Variants in DNAH5 observed in about 807,000 individuals in gnomAD.
DNAH5 encodes dynein axonemal heavy chain 5.
In DNAH5, 372 loss-of-function variants were observed where a neutral mutation model predicts 518.2. That is an observed-to-expected ratio of 0.72 (90% CI 0.66 to 0.78). DNAH5 has a LOEUF of 0.78. DNAH5 is among the 30% of genes least tolerant of loss of function. DNAH5 has a pLI of 0.00. For synonymous variants in DNAH5, 2,039 were observed against 2,025.9 expected (o/e 1.01, Z -0.17); for missense variants, 5,523 against 5,687.0 (o/e 0.97, Z 0.93).
chr5:13,834,860 CT>C (rs1454731936), intron 35 of DNAH5, among the ~76,000 whole-genome samples: 2 of 152,240 alleles, frequency 1.3e-5, no homozygotes, highest in Non-Finnish European at 2.9e-5. Flanking sequence ...TTGGCTTTTA[CT>C]TTGCATGAGA....
chr5:14,000,161 C>T (rs75244990), intron 1 of DNAH5, among the ~76,000 whole-genome samples: 3,979 of 152,252 alleles, frequency 0.026, 129 homozygotes, highest in East Asian at 0.19. Context: ...CTAGGGTGGG[C>T]TCTATCCAAT....
chr5:13,732,645 A>G (rs920703486), intron 68 of DNAH5, among the ~76,000 whole-genome samples: 27 of 152,094 alleles, frequency 1.8e-4, no homozygotes, highest in African/African-American at 6.5e-4. Flanking sequence ...CTGGGATTAC[A>G]GACTTGAGCC....
chr5:13,697,622 C>G (rs1741554372), intron 78 of DNAH5, among the ~76,000 whole-genome samples: 1 of 152,174 alleles, frequency 6.6e-6, no homozygotes, highest in South Asian at 2.1e-4. Flanking sequence ...TTTCTCTCTT[C>G]CAACTCCCCC....
intron 1 of DNAH5, among the ~76,000 whole-genome samples, chr5:13,986,178 T>A (rs1003124736): frequency 6.6e-6 from 1 of 152,138 alleles, no homozygotes; most frequent in Non-Finnish European, 1.5e-5. Flanking sequence ...GGAAATGCAT[T>A]GCGGCTCCAA....
intron 21 of DNAH5, 49 bp from the exon 22 acceptor site, chr5:13,876,866 G>A: frequency 6.4e-7 from 1 of 1,573,482 alleles, no homozygotes. Flanking sequence ...ACACAAGAAT[G>A]TACTTTCAGG....
chr5:13,931,323 G>T, intron 1 of DNAH5, 79 bp from the exon 2 acceptor site: 1 of 1,587,238 alleles, frequency 6.3e-7, no homozygotes, highest in Non-Finnish European at 8.6e-7. Flanking sequence ...TCATACAATT[G>T]TTGTTTTTTC....
chr5:13,762,878 A>G lies in DNAH5; in HGVS notation c.10125T>C (p.Asn3375=). Residue 3375 remains asparagine (N), a synonymous_variant, in exon 60 of 79, where the codon AAT becomes AAC. Transcript: ENST00000265104. ...NLQQFPKDTI[N]EEVIEFLSPY... is the part of the protein sequence containing the mutation. ...GACTCAAAAATTCTATCACCTCTTC[A>G]TTGATTGTGTCTTTTGGGAATTGCT... The G allele has an allele frequency of 6.2e-7, 1 of 1,613,882 alleles. No individual in the cohort carries two copies. Among genetic ancestry groups the G allele is most frequent in the Non-Finnish European group, 8.5e-7 (1 of 1,179,794 alleles).
intron 53 of DNAH5, among the ~76,000 whole-genome samples, chr5:13,777,987 TAG>T (rs1252682671): frequency 2.0e-5 from 3 of 152,306 alleles, no homozygotes; most frequent in African/African-American, 7.2e-5. Flanking sequence ...CAGGAAATAT[TAG>T]AGAGTTCCCA....
At chr5:13,931,279 T>C in intron 1 of DNAH5, 35 bp from the exon 2 acceptor site, 1 of 1,613,494 alleles carries the variant, frequency 6.2e-7, no homozygotes, top group Non-Finnish European at 8.5e-7. Context: ...ACATGGAAAC[T>C]GCTGTTCTCA....
In DNAH5 at chr5:13,717,370, A is replaced by G; in HGVS notation, c.12650T>C (p.Phe4217Ser). 1 of 1,614,060 alleles carries G rather than the reference A, an allele frequency of 6.2e-7. No individual in the cohort carries two copies. The highest frequency in any genetic ancestry group is 8.5e-7 in the Non-Finnish European group (1 of 1,180,024). ...NIPYEFNQAD[F>S]NATVQFIQNH... ...TTGGATGAACTGCACAGTGGCATTA[A>G]AGTCCGCTTGGTTAAATTCGTAGGG... The change falls in exon 73 of 79, where the codon TTT (phenylalanine) becomes TCT (serine). Residue 4217 changes from phenylalanine to serine, a missense_variant. Physicochemically the swap from Phe to Ser is radical, Grantham distance 155. Transcript: ENST00000265104.
intron 31 of DNAH5, among the ~76,000 whole-genome samples, chr5:13,848,670 G>A (rs910720600): frequency 3.9e-5 from 6 of 152,160 alleles, no homozygotes; most frequent in East Asian, 1.9e-4. Flanking sequence ...CAAGGAGTAC[G>A]CAACCTAGAT....
intron 55 of DNAH5, among the ~76,000 whole-genome samples, chr5:13,776,015 C>T (rs1754037976): frequency 6.6e-6 from 1 of 151,910 alleles, no homozygotes; most frequent in Non-Finnish European, 1.5e-5. Flanking sequence ...TCTAACCTCT[C>T]CTCTACTACT....
rs1769167130 is a variant in DNAH5, at chr5:13,865,842, A to T, written c.4181T>A (p.Leu1394Gln). 8 of 1,613,694 alleles carry T rather than the reference A, an allele frequency of 5.0e-6. No homozygotes were observed. The highest frequency in any genetic ancestry group is 6.8e-6 in the Non-Finnish European group (8 of 1,179,770). ...TYTGGEELFG[L>Q]PATQYPQLLE... ...AAGCTGAGGATACTGTGTAGCTGGC[A>T]GGCCAAAAAGCTCCTCTCCTCCAGT... Residue 1394 changes from leucine (L) to glutamine (Q), a missense_variant, in exon 27 of 79, where the codon CTG becomes CAG. Physicochemically the swap from Leu to Gln is moderately radical, Grantham distance 113. Around this residue, in one of 3 missense-constraint regions of DNAH5, gnomAD observed 5,121 missense variants for 5,223.3 expected, o/e 0.98. Coordinates refer to ENST00000265104, the MANE Select transcript of DNAH5 (RefSeq NM_001369.3).
intron 77 of DNAH5, 65 bp downstream of exon 77, chr5:13,701,219 T>C: frequency 6.2e-7 from 1 of 1,603,438 alleles, no homozygotes; most frequent in East Asian, 2.2e-5. Context: ...TTTAAAACTA[T>C]AATGATGGAA....
chr5:13,885,873 GT>G (rs1772352325), intron 18 of DNAH5, 90 bp downstream of exon 18: 2 of 1,171,070 alleles, frequency 1.7e-6, no homozygotes, highest in African/African-American at 3.1e-5. Flanking sequence ...GTTTATAGAA[GT>G]ATGAAATTAA....
intron 47 of DNAH5, among the ~76,000 whole-genome samples, chr5:13,795,129 C>A (rs1322525908): frequency 6.6e-6 from 1 of 152,056 alleles, no homozygotes; most frequent in Non-Finnish European, 1.5e-5. Flanking sequence ...CCTAACATCA[C>A]AACTAAAAGA....
At chr5:13,884,938 C>G in intron 19 of DNAH5, 51 bp downstream of exon 19, 2 of 1,612,678 alleles carry the variant, frequency 1.2e-6, no homozygotes, top group Non-Finnish European at 1.7e-6. Context: ...ACACACATAC[C>G]CCAGCAACTA....
chr5:13,882,320 C>T lies in DNAH5; in HGVS notation c.3262+408G>A, dbSNP rs528751627. Among the ~76,000 whole-genome samples, 3 of 151,552 alleles carry T rather than the reference C, an allele frequency of 2.0e-5. No individual in the cohort carries two copies. In the South Asian group the frequency reaches 6.3e-4, roughly 32 times the overall value. On this transcript the variant is annotated intron_variant, in intron 21 of 78. Coordinates refer to ENST00000265104, the MANE Select transcript of DNAH5 (RefSeq NM_001369.3). Reference sequence around the variant, plus strand: ...AACTCATTTTACAAGGCCAGCATTACCCCGATACCAAAGCTAGACACATAC... The same window carrying T: ...AACTCATTTTACAAGGCCAGCATTATCCCGATACCAAAGCTAGACACATAC...
rs1741984828 is a variant in DNAH5, at chr5:13,700,736, C to CTTTT, written c.13626_13627insAAAA (p.Ala4543LysfsTer13). 1 of 1,614,044 alleles carries CTTTT rather than the reference C, an allele frequency of 6.2e-7. No homozygotes were observed. The highest frequency in any genetic ancestry group is 1.3e-5 in the African/African-American group (1 of 74,926). On this transcript the variant is annotated frameshift_variant, in exon 78 of 79. Coordinates refer to ENST00000265104, the MANE Select transcript of DNAH5 (RefSeq NM_001369.3). LOFTEE classifies it high-confidence loss of function. ...TTCATGTTCCTCTTGTCCCAGCCAG[C>CTTTT]ACCTTCAAGATATAAGCCATAGACA... is the stretch of plus-strand genomic sequence containing the variant.
Sources: gnomAD v4.1 joint callset for allele counts (sites outside exome capture counted in the v4.1 genomes callset) on GRCh38, gnomAD v4.1.1 for gene constraint, gnomAD v4.1.1 regional missense constraint, MANE v1.5 for transcripts, NCBI Gene and HGNC (gene_info 2026-07-23, HGNC 2026-07-21) for gene names.